Variants in ELF4 observed in about 807,000 individuals in gnomAD.
ELF4 encodes ETS-related transcription factor Elf-4.
A neutral mutation model predicts 31.7 loss-of-function variants in ELF4; 10 were observed. The observed-to-expected ratio is 0.32, with a 90% CI of 0.19 to 0.54. ELF4 has a LOEUF of 0.54. Ranked by LOEUF, ELF4 falls within the 20% of genes least tolerant of loss-of-function variation. The pLI is 0.95. For synonymous variants in ELF4, 208 were observed against 226.7 expected, an observed-to-expected ratio of 0.92 and a Z score of 0.74; for missense variants, 418 against 522.0, an observed-to-expected ratio of 0.80 and a Z score of 1.94.
At position 130,081,379 on chromosome X, in the gene ELF4, C is replaced by T; in HGVS notation, c.-49G>A. 4 of 1,152,094 alleles carry T rather than the reference C, an allele frequency of 3.5e-6. No homozygotes were observed. The highest frequency in any genetic ancestry group is 4.8e-6 in the Non-Finnish European group (4 of 841,180). 94.9% of individuals were successfully genotyped at this position (1,152,094 alleles called of 1,213,427 possible). On this transcript the variant is annotated 5_prime_UTR_variant, in exon 2 of 9. Transcript: ENST00000308167. ...ACGGGATTATCAGAGCCCTCCAGAG[C>T]TGTGGGGCTTTCTTGATGAAGGGAC...
At chrX:130,099,161 G>C (rs191481278) in intron 1 of ELF4, among the ~76,000 whole-genome samples, 1 of 112,270 alleles carries the variant, frequency 8.9e-6, no homozygotes, top group East Asian at 2.8e-4. Context: ...GGCACGCCAC[G>C]TCACAGGGCT....
At chrX:130,111,849 A>G (rs949468096), upstream of ELF4, among the ~76,000 whole-genome samples, 2 of 111,772 alleles carry the variant, frequency 1.8e-5, no homozygotes, top group African/African-American at 6.5e-5. Context: ...ACCGCCGCCT[A>G]CGTGGGTCTG....
intron 1 of ELF4, among the ~76,000 whole-genome samples, chrX:130,088,474 G>A (rs1932997143): frequency 1.8e-5 from 2 of 111,597 alleles, no homozygotes; most frequent in African/African-American, 3.3e-5. Flanking sequence ...CACTTTGGGA[G>A]GCCAAGGAGG....
chrX:130,100,497 G>C (rs896396816), intron 1 of ELF4, among the ~76,000 whole-genome samples: 1 of 111,598 alleles, frequency 9.0e-6, no homozygotes, highest in Non-Finnish European at 1.9e-5. Context: ...ATGGTCCCCT[G>C]AGGGAACATT....
At position 130,082,011 on chromosome X, in the gene ELF4, G is replaced by A. The variant is rs753072028; in HGVS notation, c.-209-472C>T. Among the ~76,000 whole-genome samples, 4 of 111,808 alleles carry A rather than the reference G, an allele frequency of 3.6e-5. No homozygotes were observed. The Admixed American group carries it at 3.8e-4, about 11-fold the overall frequency. ...CTTGGCTTGGGGAAGAATCGTGTGA[G>A]GGGCTGAGTGGGGGCCTGTGGGTAT... On this transcript the variant is annotated intron_variant, in intron 1 of 8. Transcript: ENST00000308167.
intron 7 of ELF4, among the ~76,000 whole-genome samples, chrX:130,070,788 AAAGAAAGAAAG>A (rs1237030066): frequency 9.6e-5 from 7 of 72,633 alleles, no homozygotes; most frequent in African/African-American, 3.2e-4. Context: ...AAAAAAAAAA[AAAGAAAGAAAG>A]AAAGAAAGAA....
chrX:130,070,446 G>A (rs1696762943), intron 7 of ELF4, among the ~76,000 whole-genome samples: 1 of 110,252 alleles, frequency 9.1e-6, no homozygotes. Context: ...GTGGTGGCGG[G>A]CGCCTGTAGT....
At chrX:130,078,807 A>ACACACACACAC (rs1932860456) in intron 2 of ELF4, among the ~76,000 whole-genome samples, 2 of 102,667 alleles carry the variant, frequency 1.9e-5, no homozygotes, top group Non-Finnish European at 4.0e-5. Context: ...ACACACACAC[A>ACACACACACAC]ATTAGCCAGG....
rs751614433 is a variant in ELF4, at chrX:130,074,045, T to C, written c.340+4A>G. 1.7e-6 allele frequency: 2 copies of C among 1,209,608 alleles called. No homozygotes were observed. The highest frequency in any genetic ancestry group is 2.2e-5 in the Admixed American group (1 of 45,772). On this transcript the variant is annotated splice_donor_region_variant and intron_variant, in intron 4 of 8. Transcript: ENST00000308167. ...TGAGTTCAGGCACTGGGGTTCAAACTTACAGATCTGCTTCTCATCCAGGAT... is the reference window on the plus strand; with the variant it reads ...TGAGTTCAGGCACTGGGGTTCAAACCTACAGATCTGCTTCTCATCCAGGAT...
Position 130,064,622 on chromosome X carries a change from A to C in ELF4, c.*2099T>G, listed in dbSNP as rs1932621382. 1.8e-5 allele frequency among the ~76,000 whole-genome samples: 2 copies of C among 111,761 alleles called. No individual in the cohort carries two copies. Among genetic ancestry groups the C allele is most frequent in the African/African-American group, 6.5e-5 (2 of 30,724 alleles). ...CCAAAATGAGCCCAAAATGGATGAG[A>C]TTCTTGAACAGCCACGTTGGAAGTG... On this transcript the variant is annotated 3_prime_UTR_variant, in exon 9 of 9. Transcript: ENST00000308167.
At chrX:130,071,535 C>T in intron 5 of ELF4, 116 bp from the exon 6 acceptor site, 2 of 697,043 alleles carry the variant, frequency 2.9e-6, no homozygotes, top group Non-Finnish European at 2.2e-6. Context: ...GGCTGGAGGC[C>T]CCAGATCGCT....
chrX:130,078,819 G>A (rs1392548837), intron 2 of ELF4, among the ~76,000 whole-genome samples: 2 of 103,974 alleles, frequency 1.9e-5, no homozygotes, highest in Admixed American at 1.0e-4. Flanking sequence ...TTAGCCAGGC[G>A]CAGTGGCATG....
intron 1 of ELF4, among the ~76,000 whole-genome samples, chrX:130,086,364 CCA>C (rs1406923092): frequency 8.9e-6 from 1 of 112,226 alleles, no homozygotes; most frequent in East Asian, 2.8e-4. Flanking sequence ...GGGTTCTTCC[CCA>C]GTTACAGCCC....
At position 130,066,928 on chromosome X, in the gene ELF4, G is replaced by A. The variant is rs1381294185; in HGVS notation, c.1785C>T (p.Gly595=). 1 of 1,212,054 alleles carries A rather than the reference G, an allele frequency of 8.3e-7. No homozygotes were observed. Among genetic ancestry groups the A allele is most frequent in the African/African-American group, 1.7e-5 (1 of 57,850 alleles). The change falls in exon 9 of 9, where the codon GGC becomes GGT. Residue 595 remains glycine (G), a synonymous_variant. Coordinates refer to ENST00000308167, the MANE Select transcript of ELF4 (RefSeq NM_001421.4). Reference sequence around the variant, plus strand: ...GGCTGGGAGGAGACAAAGTCTGGTTGCCCAGAAGGCTCGGATTGTGGGAAC... The same window carrying A: ...GGCTGGGAGGAGACAAAGTCTGGTTACCCAGAAGGCTCGGATTGTGGGAAC... The part of the protein sequence containing the change: ...SRGSHNPSLL[G]NQTLSPPSRP...
At chrX:130,087,508 T>G (rs1288810394) in intron 1 of ELF4, among the ~76,000 whole-genome samples, 1 of 112,379 alleles carries the variant, frequency 8.9e-6, no homozygotes, top group Non-Finnish European at 1.9e-5. Context: ...TGAGACGGAG[T>G]CTCACTCTGT....
intron 2 of ELF4, 65 bp from the exon 3 acceptor site, chrX:130,074,817 G>A: frequency 2.6e-6 from 3 of 1,155,158 alleles, no homozygotes; most frequent in Non-Finnish European, 3.5e-6. Flanking sequence ...CTCCCTACCA[G>A]AATCTGGCCC....
At chrX:130,101,958 G>A (rs1291626830) in intron 1 of ELF4, among the ~76,000 whole-genome samples, 2 of 111,800 alleles carry the variant, frequency 1.8e-5, no homozygotes, top group Non-Finnish European at 3.8e-5. Flanking sequence ...CCAACATGGT[G>A]AAACCGTGTC....
intron 6 of ELF4, 37 bp from the exon 7 acceptor site, chrX:130,071,269 G>T: frequency 8.3e-7 from 1 of 1,210,716 alleles, no homozygotes; most frequent in Non-Finnish European, 1.1e-6. Context: ...AGCCTGGGCA[G>T]CTGGGGCACC....
intron 2 of ELF4, among the ~76,000 whole-genome samples, chrX:130,081,050 G>A (rs1932883184): frequency 8.9e-6 from 1 of 112,902 alleles, no homozygotes; most frequent in South Asian, 3.5e-4. Flanking sequence ...ACTGCCCGGT[G>A]ACTCCAGACC....
Sources: allele counts gnomAD v4.1 joint callset (sites outside exome capture counted in the v4.1 genomes callset), GRCh38; gene constraint gnomAD v4.1.1; transcripts MANE v1.5; gene names NCBI Gene and HGNC (gene_info 2026-07-23, HGNC 2026-07-21).